The following ROCK1 variants were observed in gnomAD, a reference collection of about 807,000 sequenced individuals.
The protein encoded by ROCK1 is Rho associated coiled-coil containing protein kinase 1, also known as rho-associated protein kinase 1.
Under a neutral mutation model 196.8 loss-of-function variants are expected in ROCK1, and 36 were observed. That is an observed-to-expected ratio of 0.18 (90% CI 0.14 to 0.24). The LOEUF is 0.24. ROCK1 is among the 10% of genes least tolerant of loss of function. The pLI, the probability that ROCK1 is intolerant of heterozygous loss-of-function variation, is 1.00. For missense variants in ROCK1, 920 were observed against 1,562.0 expected (o/e 0.59, Z 6.93); for synonymous variants, 443 against 515.9 (o/e 0.86, Z 1.91).
intron 1 of ROCK1, among the ~76,000 whole-genome samples, chr18:21,089,422 C>A (rs182588369): frequency 6.4e-4 from 98 of 152,280 alleles, no homozygotes; most frequent in African/African-American, 1.9e-3. Context: ...ATCTCTTTAG[C>A]ATCTAGCTTA....
intron 1 of ROCK1, among the ~76,000 whole-genome samples, chr18:21,110,046 C>T (rs1345142604): frequency 1.3e-5 from 2 of 151,946 alleles, no homozygotes; most frequent in Non-Finnish European, 2.9e-5. Context: ...CTAAGAATTC[C>T]AATTATTTAC....
At chr18:21,048,716 A>AT (rs1359979097) in intron 4 of ROCK1, among the ~76,000 whole-genome samples, 1 of 151,714 alleles carries the variant, frequency 6.6e-6, no homozygotes, top group Non-Finnish European at 1.5e-5. Flanking sequence ...TGCCTCAATA[A>AT]TTTTTTTAAT....
intron 20 of ROCK1, 152 bp from the exon 21 acceptor site, chr18:20,982,984 T>TGA: frequency 1.9e-6 from 1 of 516,932 alleles, no homozygotes; most frequent in Admixed American, 3.7e-5. Context: ...ATTTTACTAA[T>TGA]TAACTTGGTC....
intron 18 of ROCK1, 124 bp from the exon 19 acceptor site, chr18:20,987,234 G>A: frequency 2.7e-6 from 2 of 747,390 alleles, no homozygotes; most frequent in East Asian, 5.7e-5. Flanking sequence ...CTTGAATAGA[G>A]CTAGTAATTA....
intron 1 of ROCK1, among the ~76,000 whole-genome samples, chr18:21,086,217 T>C (rs1315759686): frequency 5.3e-5 from 8 of 151,860 alleles, no homozygotes; most frequent in Admixed American, 2.0e-4. Context: ...GTTCAAGCTA[T>C]TCTCCTGCCT....
At position 20,954,862 on chromosome 18, in the gene ROCK1, G is replaced by A. The variant is rs751895379; in HGVS notation, c.3774C>T (p.Ala1258=). The change falls in exon 31 of 33, where the codon GCC becomes GCT. Residue 1258 remains alanine, a synonymous_variant. Coordinates refer to ENST00000399799, the MANE Select transcript of ROCK1 (RefSeq NM_005406.3). ...PLWHVFKPPP[A]LECRRCHVKC... ...TAACATGGCATCTTCGACACTCTAG[G>A]GCAGGGGGTGGCTTAAAAACATGCC... 6.2e-7 allele frequency: 1 copy of A among 1,613,962 alleles called. No individual in the cohort carries two copies.
intron 1 of ROCK1, among the ~76,000 whole-genome samples, chr18:21,095,299 G>C (rs1451560551): frequency 6.6e-6 from 1 of 151,950 alleles, no homozygotes; most frequent in East Asian, 1.9e-4. Flanking sequence ...GAACAGTTTG[G>C]CGGTTCTTCA....
chr18:21,106,136 C>G (rs1338448429), intron 1 of ROCK1, among the ~76,000 whole-genome samples: 2 of 152,142 alleles, frequency 1.3e-5, no homozygotes, highest in Non-Finnish European at 2.9e-5. Flanking sequence ...CTGTCTCCTC[C>G]GCTCACCCGT....
At chr18:21,093,029 T>G (rs1363076513) in intron 1 of ROCK1, among the ~76,000 whole-genome samples, 1 of 152,174 alleles carries the variant, frequency 6.6e-6, no homozygotes, top group Non-Finnish European at 1.5e-5. Context: ...AGCTGGCTCT[T>G]CCCCAGTTCC....
intron 2 of ROCK1, among the ~76,000 whole-genome samples, chr18:21,059,337 A>C (rs1180384402): frequency 1.3e-5 from 2 of 152,140 alleles, no homozygotes; most frequent in Non-Finnish European, 2.9e-5. Context: ...ATTCCCTCTC[A>C]AGCACAAGGT....
chr18:20,960,253 A>G, intron 27 of ROCK1, 47 bp from the exon 28 acceptor site: 1 of 1,143,866 alleles, frequency 8.7e-7, no homozygotes, highest in Non-Finnish European at 1.3e-6. Flanking sequence ...AATTGTAACA[A>G]AAGAAAAACT....
At chr18:20,985,409 T>G (rs2035569342) in intron 19 of ROCK1, among the ~76,000 whole-genome samples, 1 of 152,192 alleles carries the variant, frequency 6.6e-6, no homozygotes, top group Admixed American at 6.5e-5. Context: ...ACATTTCTTG[T>G]ACGCACTACT....
At chr18:21,005,849 C>T (rs2035763983) in intron 16 of ROCK1, among the ~76,000 whole-genome samples, 1 of 152,000 alleles carries the variant, frequency 6.6e-6, no homozygotes, top group Non-Finnish European at 1.5e-5. Flanking sequence ...TGCACTCCAG[C>T]CTGTGCAACA....
At chr18:21,030,562 T>C (rs1450052665) in intron 9 of ROCK1, among the ~76,000 whole-genome samples, 2 of 152,228 alleles carry the variant, frequency 1.3e-5, no homozygotes, top group African/African-American at 4.8e-5. Flanking sequence ...TATTTCACAG[T>C]AGTTCTAAAA....
intron 18 of ROCK1, among the ~76,000 whole-genome samples, chr18:20,987,725 G>A (rs2035589410): frequency 6.6e-6 from 1 of 152,124 alleles, no homozygotes; most frequent in African/African-American, 2.4e-5. Flanking sequence ...TTTAAAGTGT[G>A]CTTTCCCACT....
intron 2 of ROCK1, among the ~76,000 whole-genome samples, chr18:21,061,319 A>G (rs2036288584): frequency 6.6e-6 from 1 of 152,268 alleles, no homozygotes; most frequent in African/African-American, 2.4e-5. Context: ...ATCTCAGGTG[A>G]TCTGCCCGCT....
intron 18 of ROCK1, among the ~76,000 whole-genome samples, chr18:20,989,251 T>C (rs751959804): frequency 8.5e-5 from 13 of 152,244 alleles, no homozygotes; most frequent in Non-Finnish European, 1.6e-4. Flanking sequence ...ACAGGCACTT[T>C]ACATGCATTT....
intron 9 of ROCK1, among the ~76,000 whole-genome samples, chr18:21,034,444 A>C (rs2036039432): frequency 6.6e-6 from 1 of 152,192 alleles, no homozygotes; most frequent in African/African-American, 2.4e-5. Context: ...ACATAAAAAC[A>C]AACTTATACA....
intron 12 of ROCK1, among the ~76,000 whole-genome samples, chr18:21,018,542 A>AG: frequency 6.6e-6 from 1 of 152,200 alleles, no homozygotes; most frequent in South Asian, 2.1e-4. Flanking sequence ...AAAAAAAAAA[A>AG]AAAAAATTTG....
Sources: gnomAD v4.1 joint callset for allele counts (sites outside exome capture counted in the v4.1 genomes callset) on GRCh38, gnomAD v4.1.1 for gene constraint, MANE v1.5 for transcripts, NCBI Gene and HGNC (gene_info 2026-07-23, HGNC 2026-07-21) for gene names.